NR3C2: variants seen among roughly 807,000 people sequenced by gnomAD.
NR3C2 encodes the protein mineralocorticoid receptor.
In NR3C2, 15 loss-of-function variants were observed where a neutral mutation model predicts 86.4. That is an observed-to-expected ratio of 0.17 (90% CI 0.12 to 0.27). NR3C2 has a LOEUF of 0.27. NR3C2 is among the 10% of genes least tolerant of loss of function. The probability of loss-of-function intolerance (pLI) is 1.00; values close to 1 mark genes in which losing one functional copy is unlikely to be tolerated. For missense variants in NR3C2, 960 were observed against 1,195.6 expected, an observed-to-expected ratio of 0.80 and a Z score of 2.91; for synonymous variants, 458 against 450.5, an observed-to-expected ratio of 1.02 and a Z score of -0.21.
In NR3C2 at chr4:148,154,861, G is replaced by C; in HGVS notation, c.2055C>G (p.His685Gln). The change falls in exon 5 of 9, where the codon CAC (histidine) becomes CAG (glutamine). Residue 685 changes from histidine (H) to glutamine (Q), a missense_variant. Around this residue, in one of 4 missense-constraint regions of NR3C2, gnomAD observed 82 missense variants for 73.0 expected, o/e 1.12. Coordinates refer to ENST00000358102, the MANE Select transcript of NR3C2 (RefSeq NM_000901.5). ...GCTGCTGCTGCTGTGGCTGCTCCTC[G>C]TGAATCCCTTTTAACTTTCCCAACT... The part of the protein sequence containing the change: ...SKKLGKLKGI[H>Q]EEQPQQQQPP... 1.3e-6 allele frequency: 2 copies of C among 1,582,126 alleles called. No individual in the cohort carries two copies. Among genetic ancestry groups the C allele is most frequent in the Non-Finnish European group, 1.7e-6 (2 of 1,163,132 alleles).
At chr4:148,257,277 A>G (rs1260589681) in intron 3 of NR3C2, among the ~76,000 whole-genome samples, 1 of 152,212 alleles carries the variant, frequency 6.6e-6, no homozygotes, top group South Asian at 2.1e-4. Context: ...ATATACATAC[A>G]AAGTCACATA....
At chr4:148,332,660 G>A (rs1300495780) in intron 2 of NR3C2, among the ~76,000 whole-genome samples, 1 of 152,228 alleles carries the variant, frequency 6.6e-6, no homozygotes, top group East Asian at 1.9e-4. Context: ...AGCAAGACAA[G>A]GGTAATATTT....
chr4:148,433,824 G>GTTCTGA (rs1249040125), intron 2 of NR3C2, among the ~76,000 whole-genome samples: 1 of 152,142 alleles, frequency 6.6e-6, no homozygotes, highest in Admixed American at 6.5e-5. Context: ...GCTCAATTTG[G>GTTCTGA]TTCTGATGGC....
chr4:148,149,322 A>G (rs1734004307), intron 6 of NR3C2, among the ~76,000 whole-genome samples: 1 of 152,174 alleles, frequency 6.6e-6, no homozygotes, highest in South Asian at 2.1e-4. Flanking sequence ...TAGAATAGAC[A>G]AATACACAAA....
At chr4:148,444,965 C>T (rs1361928142), upstream of NR3C2, 5 of 984,924 alleles carry the variant, frequency 5.1e-6, no homozygotes, top group East Asian at 5.7e-4. Flanking sequence ...CGGCCGAGCG[C>T]GTGTGTGAGG....
chr4:148,118,715 C>G (rs1015909167), intron 7 of NR3C2, among the ~76,000 whole-genome samples: 2 of 152,138 alleles, frequency 1.3e-5, no homozygotes, highest in Non-Finnish European at 2.9e-5. Context: ...TGCTCCAAGT[C>G]CTGATGTTAA....
intron 3 of NR3C2, among the ~76,000 whole-genome samples, chr4:148,230,681 C>T (rs910881680): frequency 6.6e-6 from 1 of 152,190 alleles, no homozygotes; most frequent in Non-Finnish European, 1.5e-5. Flanking sequence ...ACATCCAATG[C>T]CTTTACCTTA....
chr4:148,343,390 G>A (rs1744841721), intron 2 of NR3C2, among the ~76,000 whole-genome samples: 2 of 152,104 alleles, frequency 1.3e-5, no homozygotes, highest in East Asian at 1.9e-4. Context: ...AGGCAGCAGC[G>A]GGATATCCGC....
intron 3 of NR3C2, among the ~76,000 whole-genome samples, chr4:148,200,537 T>C (rs1352533162): frequency 2.0e-5 from 3 of 152,200 alleles, no homozygotes; most frequent in Admixed American, 6.5e-5. Context: ...TCTATATCCA[T>C]CAGTACTTTC....
intron 3 of NR3C2, among the ~76,000 whole-genome samples, chr4:148,219,564 A>G (rs3846310): frequency 0.97 from 147,788 of 152,262 alleles, 71,878 homozygotes; most frequent in East Asian, 1. Flanking sequence ...AGTATACAAT[A>G]GAGTTTTCTA....
chr4:148,139,704 C>T (rs951041897), intron 6 of NR3C2, among the ~76,000 whole-genome samples: 2 of 152,186 alleles, frequency 1.3e-5, no homozygotes, highest in Non-Finnish European at 2.9e-5. Context: ...GTGCACAGTG[C>T]GCTTTAATAA....
intron 2 of NR3C2, among the ~76,000 whole-genome samples, chr4:148,317,788 G>A (rs1399366336): frequency 7.0e-6 from 1 of 143,704 alleles, no homozygotes; most frequent in East Asian, 2.0e-4. Flanking sequence ...TAAAAAGAAT[G>A]AAATTAAGTC....
intron 2 of NR3C2, among the ~76,000 whole-genome samples, chr4:148,378,986 A>T (rs6831034): frequency 0.24 from 35,927 of 152,120 alleles, 5,401 homozygotes; most frequent in African/African-American, 0.42. Flanking sequence ...TCACTAAGTC[A>T]ACCTGTACCA....
chr4:148,426,647 C>T (rs555062186), intron 2 of NR3C2, among the ~76,000 whole-genome samples: 2 of 152,298 alleles, frequency 1.3e-5, no homozygotes, highest in East Asian at 3.9e-4. Flanking sequence ...CTCAGTGGGG[C>T]ACTATTCCTC....
At chr4:148,209,573 C>T (rs1466100174) in intron 3 of NR3C2, among the ~76,000 whole-genome samples, 1 of 152,194 alleles carries the variant, frequency 6.6e-6, no homozygotes, top group Admixed American at 6.5e-5. Flanking sequence ...GTTGGGATTA[C>T]AGGCATGAGA....
chr4:148,379,420 A>G (rs1746848437), intron 2 of NR3C2, among the ~76,000 whole-genome samples: 1 of 152,190 alleles, frequency 6.6e-6, no homozygotes. Flanking sequence ...GCAGAACGGC[A>G]ACATGCACAG....
chr4:148,156,278 G>C (rs1465936759), intron 4 of NR3C2, among the ~76,000 whole-genome samples: 3 of 152,122 alleles, frequency 2.0e-5, no homozygotes, highest in Non-Finnish European at 4.4e-5. Flanking sequence ...TAATTAAACT[G>C]AAGAGCTTCT....
intron 3 of NR3C2, among the ~76,000 whole-genome samples, chr4:148,240,865 G>A (rs1738992551): frequency 6.6e-6 from 1 of 152,142 alleles, no homozygotes; most frequent in Admixed American, 6.5e-5. Flanking sequence ...GGAAAATGCA[G>A]AGCTGCTAAG....
rs1019155015 is a variant in NR3C2 at position 148,259,691 on chromosome 4, T to C, written c.1897+287A>G. Among the ~76,000 whole-genome samples, 5 of 152,190 alleles carry C rather than the reference T, an allele frequency of 3.3e-5. 1 individual carries two copies. The South Asian group carries it at 8.3e-4, about 25-fold the overall frequency. ...CAGATCACATAAATTAAATTTACAA[T>C]GACAAGGAATTATTTTTCTGAGTCT... On this transcript the variant is annotated intron_variant, in intron 3 of 8. Transcript: ENST00000358102.
Sources: gnomAD v4.1 joint callset for allele counts (sites outside exome capture counted in the v4.1 genomes callset) on GRCh38, gnomAD v4.1.1 for gene constraint, gnomAD v4.1.1 regional missense constraint, MANE v1.5 for transcripts, NCBI Gene and HGNC (gene_info 2026-07-23, HGNC 2026-07-21) for gene names.